Variants in NAALADL2 observed in about 807,000 individuals in gnomAD.
NAALADL2 encodes N-acetylated alpha-linked acidic dipeptidase like 2.
A neutral mutation model predicts 87.2 loss-of-function variants in NAALADL2; 76 were observed. The ratio of observed to expected loss-of-function variants is 0.87; its 90% CI spans 0.72 to 1.05. The LOEUF (loss-of-function observed/expected upper bound fraction) is 1.05, where lower values mean the gene tolerates loss of function less well. Among genes scored for constraint, NAALADL2 ranks in the 50% least tolerant of loss-of-function variants. The pLI, the probability that NAALADL2 is intolerant of heterozygous loss-of-function variation, is 0.00. For synonymous variants in NAALADL2, 354 were observed against 331.0 expected (o/e 1.07, Z -0.75); for missense variants, 1,089 against 945.8 (o/e 1.15, Z -1.99).
chr3:174,481,527 CT>C (rs1214293675), intron 1 of NAALADL2, among the ~76,000 whole-genome samples: 1 of 152,102 alleles, frequency 6.6e-6, no homozygotes, highest in Admixed American at 6.6e-5. Flanking sequence ...CCAAATTACA[CT>C]ACCTAAATGG....
At chr3:174,537,510 A>G (rs1312983665) in intron 1 of NAALADL2, among the ~76,000 whole-genome samples, 5 of 152,186 alleles carry the variant, frequency 3.3e-5, no homozygotes, top group African/African-American at 4.8e-5. Context: ...GTTTACATTG[A>G]AGACATGATT....
chr3:175,553,594 AT>A (rs1714778021), intron 9 of NAALADL2, among the ~76,000 whole-genome samples: 1 of 151,574 alleles, frequency 6.6e-6, no homozygotes, highest in African/African-American at 2.4e-5. Context: ...ACATCATGAC[AT>A]TTTATTTGCT....
intron 13 of NAALADL2, among the ~76,000 whole-genome samples, chr3:175,792,189 A>C (rs1209507947): frequency 1.3e-5 from 2 of 152,350 alleles, no homozygotes; most frequent in Admixed American, 1.3e-4. Context: ...ATAAACTGTG[A>C]GGAAATTTAC....
intron 1 of NAALADL2, among the ~76,000 whole-genome samples, chr3:175,058,387 C>T (rs140940389): frequency 6.6e-6 from 1 of 152,070 alleles, no homozygotes; most frequent in Non-Finnish European, 1.5e-5. Flanking sequence ...AGGCCCTGGG[C>T]TCGGTGCTAT....
At chr3:174,855,997 T>TG (rs1326724590), upstream of NAALADL2, among the ~76,000 whole-genome samples, 1 of 150,246 alleles carries the variant, frequency 6.7e-6, no homozygotes, top group Non-Finnish European at 1.5e-5. Flanking sequence ...TATATATATA[T>TG]ATATATGAGA....
At chr3:175,156,474 A>T (rs1207436426) in intron 2 of NAALADL2, among the ~76,000 whole-genome samples, 1 of 152,044 alleles carries the variant, frequency 6.6e-6, no homozygotes, top group Non-Finnish European at 1.5e-5. Flanking sequence ...TTGCTTTTTT[A>T]TTTGAACACT....
intron 9 of NAALADL2, among the ~76,000 whole-genome samples, chr3:175,490,542 A>G (rs1582106264): frequency 7.0e-6 from 1 of 143,654 alleles, no homozygotes; most frequent in African/African-American, 2.6e-5. Flanking sequence ...ACCCGCCACC[A>G]CGCCTGGCTA....
intron 11 of NAALADL2, among the ~76,000 whole-genome samples, chr3:175,729,438 A>G (rs1160519337): frequency 6.6e-6 from 1 of 152,194 alleles, no homozygotes; most frequent in Non-Finnish European, 1.5e-5. Flanking sequence ...TAACCTAACT[A>G]ATAGGTAGAC....
chr3:174,757,566 A>G (rs1251201187), intron 3 of NAALADL2, among the ~76,000 whole-genome samples: 1 of 151,554 alleles, frequency 6.6e-6, no homozygotes, highest in Non-Finnish European at 1.5e-5. Context: ...ATCTCGGCTC[A>G]CTGCAAAGTC....
chr3:175,429,353 A>C (rs575362685), intron 5 of NAALADL2, among the ~76,000 whole-genome samples: 1 of 152,156 alleles, frequency 6.6e-6, no homozygotes, highest in South Asian at 2.1e-4. Flanking sequence ...TAAATGCTGT[A>C]TATGAATTCT....
chr3:174,799,169 C>CAA (rs3040101), intron 3 of NAALADL2, among the ~76,000 whole-genome samples: 118 of 125,132 alleles, frequency 9.4e-4, no homozygotes, highest in Middle Eastern at 8.8e-3. Context: ...GACTCTGTCT[C>CAA]AAAAAAAAAA....
intron 11 of NAALADL2, chr3:175,676,547 TCAGA>T (rs2149864793): frequency 6.6e-6 from 1 of 152,336 alleles, no homozygotes; most frequent in African/African-American, 2.4e-5. Flanking sequence ...AGAGCTGGCT[TCAGA>T]CAGTTATGTC....
intron 2 of NAALADL2, among the ~76,000 whole-genome samples, chr3:175,182,013 A>G (rs1484058305): frequency 3.3e-5 from 5 of 151,822 alleles, no homozygotes; most frequent in Non-Finnish European, 5.9e-5. Context: ...TTACATTCCC[A>G]CCAAAAATGT....
chr3:174,876,137 T>C (rs1160472184), intron 1 of NAALADL2, among the ~76,000 whole-genome samples: 4 of 152,156 alleles, frequency 2.6e-5, no homozygotes, highest in Non-Finnish European at 5.9e-5. Flanking sequence ...AATCTTGGAC[T>C]TTAGCAGCAT....
intron 1 of NAALADL2, among the ~76,000 whole-genome samples, chr3:174,532,353 G>A (rs1721324383): frequency 6.6e-6 from 1 of 152,090 alleles, no homozygotes; most frequent in Admixed American, 6.6e-5. Context: ...CCAAACTCAG[G>A]CCATGAGATT....
chr3:175,714,083 G>A (rs1325593896), intron 11 of NAALADL2, among the ~76,000 whole-genome samples: 2 of 152,108 alleles, frequency 1.3e-5, no homozygotes, highest in African/African-American at 4.8e-5. Flanking sequence ...TGGCTGCATA[G>A]TATTCCATGG....
chr3:175,265,009 C>A (rs961379124), intron 4 of NAALADL2, among the ~76,000 whole-genome samples: 3 of 151,572 alleles, frequency 2.0e-5, no homozygotes, highest in Non-Finnish European at 3.0e-5. Context: ...AAGTACTCAA[C>A]ACAATGCCTG....
At chr3:175,713,974 T>C (rs1175533367) in intron 11 of NAALADL2, among the ~76,000 whole-genome samples, 2 of 152,162 alleles carry the variant, frequency 1.3e-5, no homozygotes, top group African/African-American at 4.8e-5. Flanking sequence ...AGTGAGAACA[T>C]GCAGTGTTTG....
At chr3:174,586,641 C>T (rs538438926) in intron 2 of NAALADL2, among the ~76,000 whole-genome samples, 36 of 152,206 alleles carry the variant, frequency 2.4e-4, no homozygotes, top group South Asian at 1.7e-3. Flanking sequence ...TCATTTAACC[C>T]GAACATTCTG....
Sources: allele counts gnomAD v4.1 joint callset (sites outside exome capture counted in the v4.1 genomes callset), GRCh38; gene constraint gnomAD v4.1.1; transcripts MANE v1.5; gene names NCBI Gene and HGNC (gene_info 2026-07-23, HGNC 2026-07-21).